The following MARCHF1 variants were observed in gnomAD, a reference collection of about 807,000 sequenced individuals.
MARCHF1 encodes the protein membrane associated ring-CH-type finger 1.
Under a neutral mutation model 54.2 loss-of-function variants are expected in MARCHF1, and 40 were observed. The ratio of observed to expected loss-of-function variants is 0.74; its 90% confidence interval spans 0.57 to 0.96. The LOEUF is 0.96. Among genes scored for constraint, MARCHF1 ranks in the 40% least tolerant of loss-of-function variants. The pLI is 0.00. For synonymous variants in MARCHF1, 236 were observed against 236.3 expected (o/e 1.00, Z 0.01); for missense variants, 586 against 656.5 (o/e 0.89, Z 1.17).
intron 9 of MARCHF1, among the ~76,000 whole-genome samples, chr4:163,538,493 C>G (rs1052602897): frequency 6.6e-6 from 1 of 152,060 alleles, no homozygotes; most frequent in South Asian, 2.1e-4. Context: ...ACCTCTGCAA[C>G]GGACTGAATT....
At chr4:163,979,822 T>C (rs985763064) in intron 3 of MARCHF1, among the ~76,000 whole-genome samples, 53 of 152,130 alleles carry the variant, frequency 3.5e-4, no homozygotes, top group Non-Finnish European at 5.6e-4. Context: ...AATGTCTTCT[T>C]TTGAGAAGTG....
At chr4:163,867,655 C>T (rs1750082807) in intron 3 of MARCHF1, among the ~76,000 whole-genome samples, 1 of 151,728 alleles carries the variant, frequency 6.6e-6, no homozygotes, top group Non-Finnish European at 1.5e-5. Flanking sequence ...TTGCCACACA[C>T]TATTCTTTGC....
chr4:164,230,374 A>G (rs1425618677), intron 1 of MARCHF1, among the ~76,000 whole-genome samples: 7 of 151,626 alleles, frequency 4.6e-5, no homozygotes, highest in African/African-American at 1.7e-4. Flanking sequence ...CAGCCTGGGC[A>G]ACGAGAGCAA....
chr4:163,575,690 A>T (rs975687294), intron 8 of MARCHF1, among the ~76,000 whole-genome samples: 10 of 145,410 alleles, frequency 6.9e-5, no homozygotes, highest in African/African-American at 2.0e-4. Context: ...GGCTTTTTAA[A>T]TTTTTTTTTT....
chr4:164,114,100 A>T (rs1755891244), intron 1 of MARCHF1, among the ~76,000 whole-genome samples: 1 of 151,958 alleles, frequency 6.6e-6, no homozygotes, highest in African/African-American at 2.4e-5. Flanking sequence ...ATTTAATAAC[A>T]TATATGATAA....
chr4:164,026,110 A>AACAAC (rs1560867878), intron 2 of MARCHF1, among the ~76,000 whole-genome samples: 2 of 151,816 alleles, frequency 1.3e-5, no homozygotes, highest in East Asian at 1.9e-4. Flanking sequence ...ACAACAACAA[A>AACAAC]AAATTGCTGG....
chr4:163,591,343 AT>A (rs1406934039), intron 7 of MARCHF1, among the ~76,000 whole-genome samples: 2 of 151,972 alleles, frequency 1.3e-5, no homozygotes, highest in East Asian at 1.9e-4. Flanking sequence ...TCAGACTCAC[AT>A]CCCTAATTAA....
chr4:164,189,937 A>G, intron 1 of MARCHF1: 3 of 1,559,518 alleles, frequency 1.9e-6, no homozygotes, highest in Non-Finnish European at 2.7e-6. Context: ...GGGAACAAAA[A>G]TAAGATCACA....
chr4:163,892,271 T>G (rs1314918971), intron 3 of MARCHF1, among the ~76,000 whole-genome samples: 1 of 152,200 alleles, frequency 6.6e-6, no homozygotes, highest in Non-Finnish European at 1.5e-5. Flanking sequence ...TATCATTTTA[T>G]TAATTCATTT....
intron 2 of MARCHF1, among the ~76,000 whole-genome samples, chr4:164,074,835 G>A (rs1053136914): frequency 6.6e-6 from 1 of 151,080 alleles, no homozygotes; most frequent in Non-Finnish European, 1.5e-5. Flanking sequence ...CATACTATAT[G>A]TAAATTCATA....
chr4:164,139,486 T>C (rs1472082550), intron 1 of MARCHF1, among the ~76,000 whole-genome samples: 1 of 130,490 alleles, frequency 7.7e-6, no homozygotes, highest in African/African-American at 3.2e-5. Context: ...CTGAGCTATC[T>C]AAAGTCAAAA....
At chr4:164,053,076 A>C (rs774367362) in intron 2 of MARCHF1, among the ~76,000 whole-genome samples, 1 of 152,188 alleles carries the variant, frequency 6.6e-6, no homozygotes, top group Non-Finnish European at 1.5e-5. Context: ...TTAATAATCA[A>C]AGAATATTGA....
intron 1 of MARCHF1, among the ~76,000 whole-genome samples, chr4:164,191,521 A>G (rs912222445): frequency 6.6e-6 from 1 of 152,124 alleles, no homozygotes; most frequent in Non-Finnish European, 1.5e-5. Flanking sequence ...AAATAGTATC[A>G]TTTATTCTTC....
At position 163,540,819 on chromosome 4, in the gene MARCHF1, C is replaced by T. The variant is rs564035444; in HGVS notation, c.1339+4777G>A. ...AGCAGATCGCTTGAGCCCAGGTGTT[C>T]AGGACCAGCCTGGGCAACATGATGA... On this transcript the variant is annotated intron_variant, in intron 9 of 9. Coordinates refer to ENST00000514618, the MANE Select transcript of MARCHF1 (RefSeq NM_001394959.1). Among the ~76,000 whole-genome samples the T allele has an allele frequency of 5.5e-4, 84 of 152,254 alleles. 4 individuals are homozygous for T. The South Asian group carries it at 0.016, about 29-fold the overall frequency.
At chr4:164,244,659 G>T (rs1233100639) in intron 1 of MARCHF1, among the ~76,000 whole-genome samples, 1 of 150,870 alleles carries the variant, frequency 6.6e-6, no homozygotes. Flanking sequence ...AAAAATTAAT[G>T]AATCCAGGAG....
At chr4:163,676,823 CA>C in intron 5 of MARCHF1, among the ~76,000 whole-genome samples, 1 of 151,294 alleles carries the variant, frequency 6.6e-6, no homozygotes, top group South Asian at 2.1e-4. Context: ...AGACAAAAAG[CA>C]AGAGAGAAAA....
intron 4 of MARCHF1, among the ~76,000 whole-genome samples, chr4:163,845,460 TACACAC>T (rs10611765): frequency 0.045 from 6,185 of 137,486 alleles, 168 homozygotes; most frequent in African/African-American, 0.053. Context: ...GCACCTCAGT[TACACAC>T]ACACACACAC....
chr4:163,681,908 T>C (rs1744117790), intron 5 of MARCHF1, among the ~76,000 whole-genome samples: 1 of 152,104 alleles, frequency 6.6e-6, no homozygotes, highest in Non-Finnish European at 1.5e-5. Context: ...CTGGAATAGT[T>C]TGAAGGACTC....
At chr4:164,307,940 T>C (rs1044617445) in intron 1 of MARCHF1, among the ~76,000 whole-genome samples, 3 of 152,226 alleles carry the variant, frequency 2.0e-5, no homozygotes, top group African/African-American at 7.2e-5. Context: ...TTTCAAATCA[T>C]GTGTCTTCAT....
Sources: gnomAD v4.1 joint callset for allele counts (sites outside exome capture counted in the v4.1 genomes callset) on GRCh38, gnomAD v4.1.1 for gene constraint, MANE v1.5 for transcripts, NCBI Gene and HGNC (gene_info 2026-07-23, HGNC 2026-07-21) for gene names.